Variants in STK3 observed in about 807,000 individuals in gnomAD.
STK3 encodes serine/threonine-protein kinase 3.
STK3 carries 41 observed loss-of-function variants against 58.0 expected under a neutral mutation model. The ratio of observed to expected loss-of-function variants is 0.71; its 90% CI spans 0.55 to 0.92. The LOEUF is 0.92. STK3 is among the 40% of genes least tolerant of loss of function. The probability of loss-of-function intolerance (pLI) is 0.00; values close to 1 mark genes in which losing one functional copy is unlikely to be tolerated. For missense variants in STK3, 479 were observed against 602.7 expected (o/e 0.79, Z 2.15); for synonymous variants, 170 against 191.0 (o/e 0.89, Z 0.91).
chr8:98,631,649 C>T lies in STK3; in HGVS notation c.685-35480G>A, dbSNP rs143237751. Among the ~76,000 whole-genome samples, 1,393 of 147,728 alleles carry T rather than the reference C, an allele frequency of 9.4e-3. 17 individuals are homozygous for T. The highest frequency in any genetic ancestry group is 0.032 in the African/African-American group (1,316 of 40,646). The stretch of plus-strand genomic sequence containing the variant: ...ATAGCTGTTATCAGTACCTGATATG[C>T]TATAGTTTTCGTTTTTTTGTGTGTT... On this transcript the variant is annotated intron_variant, in intron 6 of 10. Coordinates refer to ENST00000419617, the MANE Select transcript of STK3 (RefSeq NM_006281.4).
Position 98,918,817 on chromosome 8 carries a change from T to G in STK3, c.-79+23561A>C, listed in dbSNP as rs115089362. Among the ~76,000 whole-genome samples the G allele has an allele frequency of 4.4e-3, 667 of 151,798 alleles. 7 individuals carry two copies. Among genetic ancestry groups the G allele is most frequent in the African/African-American group, 0.015 (636 of 41,362 alleles). On this transcript the variant is annotated intron_variant, in intron 1 of 1. Coordinates refer to the STK3 transcript ENST00000519420. ...ACTTTAAAAAAGAAAATCTAAACCT[T>G]TGTTTAAGGTGTTACTCTCCAATGT...
At chr8:98,462,556 T>A (rs541842811) in intron 10 of STK3, among the ~76,000 whole-genome samples, 1 of 152,208 alleles carries the variant, frequency 6.6e-6, no homozygotes, top group South Asian at 2.1e-4. Flanking sequence ...AGTTTTGTGG[T>A]TGTATGAGGT....
At chr8:98,487,939 C>T (rs1822397201) in intron 10 of STK3, among the ~76,000 whole-genome samples, 1 of 152,192 alleles carries the variant, frequency 6.6e-6, no homozygotes, top group Non-Finnish European at 1.5e-5. Context: ...ATGTTTATGT[C>T]CTTCATGCCT....
intron 3 of STK3, among the ~76,000 whole-genome samples, chr8:98,394,156 A>G (rs1817874591): frequency 6.6e-6 from 1 of 152,134 alleles, no homozygotes; most frequent in Admixed American, 6.5e-5. Context: ...GCAGGAAGAG[A>G]ATGTAGCAAA....
intron 6 of STK3, among the ~76,000 whole-genome samples, chr8:98,700,368 T>C (rs1488932191): frequency 1.3e-5 from 2 of 152,156 alleles, no homozygotes; most frequent in Non-Finnish European, 2.9e-5. Context: ...GTGCACTGCA[T>C]CCACTGTCCT....
chr8:98,638,712 G>C (rs1321380154), intron 6 of STK3, among the ~76,000 whole-genome samples: 1 of 152,156 alleles, frequency 6.6e-6, no homozygotes, highest in African/African-American at 2.4e-5. Context: ...AGACCACTAA[G>C]AGGCAAAGGA....
At chr8:98,859,378 GA>G (rs1329087451) in intron 3 of STK3, among the ~76,000 whole-genome samples, 1 of 152,162 alleles carries the variant, frequency 6.6e-6, no homozygotes, top group Non-Finnish European at 1.5e-5. Flanking sequence ...TAGGCAAAGC[GA>G]AAACAGCAGA....
In STK3 at chr8:98,794,365, A is replaced by C. The variant is rs1208089666; in HGVS notation, c.27-19546T>G. ...GCAACCAATGCCACAAAAATACAAAAGTTCCTTAGGGACAATTATGAACAC... is the reference window on the plus strand; with the variant it reads ...GCAACCAATGCCACAAAAATACAAACGTTCCTTAGGGACAATTATGAACAC... On this transcript the variant is annotated intron_variant, in intron 1 of 10. Transcript: ENST00000419617. 3.9e-5 allele frequency among the ~76,000 whole-genome samples: 6 copies of C among 152,198 alleles called. No homozygotes were observed. In the East Asian group the frequency reaches 1.2e-3, roughly 29 times the overall value.
intron 4 of STK3, among the ~76,000 whole-genome samples, chr8:98,739,376 G>A (rs1001254323): frequency 6.8e-4 from 104 of 151,896 alleles, no homozygotes; most frequent in African/African-American, 2.5e-3. Context: ...TCACACGGCC[G>A]GGTACTCCTC....
chr8:98,550,800 A>T (rs1191050607), intron 8 of STK3, among the ~76,000 whole-genome samples: 2 of 152,184 alleles, frequency 1.3e-5, no homozygotes, highest in Non-Finnish European at 2.9e-5. Context: ...TGATGATTAA[A>T]TAAAAAGGTA....
At chr8:98,805,611 A>G (rs1429489260) in intron 1 of STK3, among the ~76,000 whole-genome samples, 1 of 152,120 alleles carries the variant, frequency 6.6e-6, no homozygotes, top group East Asian at 1.9e-4. Context: ...AATAACTGTA[A>G]TATAAAAAGC....
chr8:98,586,742 T>A (rs550729542), intron 7 of STK3, among the ~76,000 whole-genome samples: 37 of 152,062 alleles, frequency 2.4e-4, no homozygotes, highest in Non-Finnish European at 4.4e-4. Flanking sequence ...TCTTTTTGGT[T>A]GGTAAGCTAT....
intron 3 of STK3, chr8:98,429,128 G>A (rs746351827): frequency 3.7e-6 from 6 of 1,613,232 alleles, no homozygotes; most frequent in African/African-American, 1.3e-5. Context: ...TGGTCCCAGG[G>A]ACCACGGCAG....
At chr8:98,837,684 T>C (rs1835794979) in intron 3 of STK3, among the ~76,000 whole-genome samples, 1 of 152,158 alleles carries the variant, frequency 6.6e-6, no homozygotes, top group Non-Finnish European at 1.5e-5. Flanking sequence ...TCCCAGAGCT[T>C]TGGGAGGCCC....
chr8:98,881,775 G>T (rs563582589), downstream of STK3: 1 of 152,184 alleles, frequency 6.6e-6, no homozygotes, highest in Non-Finnish European at 1.5e-5. Flanking sequence ...ATTAATGAAA[G>T]AAAAGTGTAT....
At position 98,535,924 on chromosome 8, in the gene STK3, A is replaced by C. The variant is rs570409251; in HGVS notation, c.1142-9007T>G. Among the ~76,000 whole-genome samples, 22 of 152,294 alleles carry C rather than the reference A, an allele frequency of 1.4e-4. No homozygotes were observed. The South Asian group carries it at 4.4e-3, about 30-fold the overall frequency. On this transcript the variant is annotated intron_variant, in intron 9 of 10. Coordinates refer to ENST00000419617, the MANE Select transcript of STK3 (RefSeq NM_006281.4). ...GGAGAGTAAGAAAAAGGCTGAAGGA[A>C]AGACAATGTTCTTTTCTGCAATGAG... is the stretch of plus-strand genomic sequence containing the variant.
chr8:98,531,752 T>C (rs1046481078), intron 9 of STK3, among the ~76,000 whole-genome samples: 3 of 152,234 alleles, frequency 2.0e-5, no homozygotes, highest in Non-Finnish European at 4.4e-5. Flanking sequence ...CTTAGCTACA[T>C]CTTCTGGATA....
chr8:98,410,562 G>A (rs942024605), intron 3 of STK3, among the ~76,000 whole-genome samples: 1 of 152,126 alleles, frequency 6.6e-6, no homozygotes, highest in Admixed American at 6.5e-5. Flanking sequence ...ACAAATGGGT[G>A]GATATATAAA....
chr8:98,580,506 G>A (rs1563761648), intron 7 of STK3, among the ~76,000 whole-genome samples: 2 of 152,122 alleles, frequency 1.3e-5, no homozygotes, highest in Non-Finnish European at 2.9e-5. Context: ...TTATAATTTT[G>A]GATAGATAAC....
Sources: gnomAD v4.1 joint callset for allele counts (sites outside exome capture counted in the v4.1 genomes callset) on GRCh38, gnomAD v4.1.1 for gene constraint, MANE v1.5 for transcripts, NCBI Gene and HGNC (gene_info 2026-07-23, HGNC 2026-07-21) for gene names.